ESRRB: variants seen among roughly 807,000 people sequenced by gnomAD.
ESRRB encodes steroid hormone receptor ERR2.
Under a neutral mutation model 46.0 loss-of-function variants are expected in ESRRB, and 16 were observed. That is an observed-to-expected ratio of 0.35 (90% confidence interval 0.24 to 0.53). The LOEUF (loss-of-function observed/expected upper bound fraction) is 0.53, where lower values mean the gene tolerates loss of function less well. Ranked by LOEUF, ESRRB falls within the 20% of genes least tolerant of loss-of-function variation. The probability of loss-of-function intolerance (pLI) is 0.93; values close to 1 mark genes in which losing one functional copy is unlikely to be tolerated. For synonymous variants in ESRRB, 246 were observed against 259.6 expected (o/e 0.95, Z 0.50); for missense variants, 488 against 607.4 (o/e 0.80, Z 2.07).
chr14:76,476,699 C>A (rs1286343970), intron 3 of ESRRB, among the ~76,000 whole-genome samples: 2 of 151,248 alleles, frequency 1.3e-5, no homozygotes, highest in African/African-American at 2.5e-5. Context: ...AGATGCGCAG[C>A]TGCTGTATTG....
At chr14:76,315,663 C>T (rs1447627080) in intron 1 of ESRRB, among the ~76,000 whole-genome samples, 3 of 152,322 alleles carry the variant, frequency 2.0e-5, no homozygotes, top group African/African-American at 7.2e-5. Flanking sequence ...CTTCTGCACA[C>T]ATCATGTCAC....
At chr14:76,310,978 TTCTCTCTCTCTCTCTCTC>T (rs68079657) in intron 1 of ESRRB, 142 of 362,748 alleles carry the variant, frequency 3.9e-4, no homozygotes, top group Non-Finnish European at 5.6e-4. Context: ...TCTGTCCCCT[TTCTCTCTCTCTCTCTCTC>T]TCTCTCTCTC....
At chr14:76,359,608 G>C (rs1406152592) in intron 1 of ESRRB, among the ~76,000 whole-genome samples, 1 of 152,168 alleles carries the variant, frequency 6.6e-6, no homozygotes, top group African/African-American at 2.4e-5. Context: ...CAGAGCCAGT[G>C]CTCTTGCCCA....
Position 76,358,355 on chromosome 14 carries a change from G to T in ESRRB, c.2+47439G>T, listed in dbSNP as rs868512460. Among the ~76,000 whole-genome samples the T allele has an allele frequency of 4.7e-5, 2 of 42,820 alleles. 1 individual carries two copies. The highest frequency in any genetic ancestry group is 9.7e-5 in the Non-Finnish European group (2 of 20,608). The allele number at this position is 42,820 out of a possible 152,430, so 28.1% of individuals were successfully genotyped here. ...AGAAAGAAAGAAAGAAAGAAAGAAA[G>T]AAAGAAAGAAAGAAAGAAAGAAAGA... On this transcript the variant is annotated intron_variant, in intron 1 of 6. Coordinates refer to the ESRRB transcript ENST00000512784.
intron 3 of ESRRB, among the ~76,000 whole-genome samples, chr14:76,469,943 T>TC (rs1889305550): frequency 8.5e-6 from 1 of 117,912 alleles, no homozygotes; most frequent in African/African-American, 3.1e-5. Context: ...TTTTTTTTTT[T>TC]CTTTTTTTTT....
chr14:76,454,086 A>T (rs901922231), intron 2 of ESRRB, among the ~76,000 whole-genome samples: 1 of 152,278 alleles, frequency 6.6e-6, no homozygotes, highest in South Asian at 2.1e-4. Context: ...GAGAGAAGGG[A>T]GATGAAATCT....
chr14:76,442,446 A>C (rs1195848675), intron 2 of ESRRB, among the ~76,000 whole-genome samples: 1 of 152,188 alleles, frequency 6.6e-6, no homozygotes, highest in Non-Finnish European at 1.5e-5. Flanking sequence ...ACTGCATTCC[A>C]GCCTGGGCAA....
intron 1 of ESRRB, among the ~76,000 whole-genome samples, chr14:76,343,011 G>GAA (rs1189497921): frequency 6.6e-6 from 1 of 152,210 alleles, no homozygotes; most frequent in Non-Finnish European, 1.5e-5. Context: ...CAGGGGAGAT[G>GAA]AAGGGATCCA....
intron 1 of ESRRB, among the ~76,000 whole-genome samples, chr14:76,362,031 C>G (rs1884470994): frequency 6.6e-6 from 1 of 152,166 alleles, no homozygotes; most frequent in East Asian, 1.9e-4. Flanking sequence ...GGGGCTGAGT[C>G]TTACCAAATC....
chr14:76,440,515 C>G (rs1887873832), intron 2 of ESRRB, among the ~76,000 whole-genome samples: 1 of 152,058 alleles, frequency 6.6e-6, no homozygotes, highest in Admixed American at 6.6e-5. Flanking sequence ...CTCATCCTGT[C>G]TGGATCCCAG....
Position 76,499,971 on chromosome 14 carries a change from T to A in ESRRB, c.*1513T>A, listed in dbSNP as rs553798143. 1.2e-6 allele frequency: 2 copies of A among 1,600,376 alleles called. No individual in the cohort carries two copies. The highest frequency in any genetic ancestry group is 2.2e-5 in the East Asian group (1 of 44,566). On this transcript the variant is annotated 3_prime_UTR_variant, in exon 7 of 7. Transcript: ENST00000644823. ...CTTCACAAGCAGGGATCAGAGCAAC[T>A]CCCCGGGGATCCCCAATCCACGCCC...
chr14:76,477,664 A>T (rs1005935590), intron 3 of ESRRB, among the ~76,000 whole-genome samples: 1 of 152,240 alleles, frequency 6.6e-6, no homozygotes, highest in African/African-American at 2.4e-5. Context: ...GGCTCAGAAG[A>T]GCAGACAGGA....
chr14:76,463,445 G>GTTTTTTTTTTTTTTTTTTTTTTTTT (rs1313130923), intron 3 of ESRRB: 2 of 114,738 alleles, frequency 1.7e-5, no homozygotes, highest in Non-Finnish European at 1.8e-5. Context: ...ATGCTTCTTT[G>GTTTTTTTTTTTTTTTTTTTTTTTTT]TTTTTTTTTT....
chr14:76,429,849 ATGTGTGTGTG>A (rs58340334), intron 1 of ESRRB, among the ~76,000 whole-genome samples: 4 of 150,186 alleles, frequency 2.7e-5, no homozygotes, highest in Admixed American at 2.7e-4. Flanking sequence ...TTTAAGTTTT[ATGTGTGTGTG>A]TGTGTGTGTG....
chr14:76,481,088 T>C (rs1293527633), intron 3 of ESRRB, among the ~76,000 whole-genome samples: 2 of 152,210 alleles, frequency 1.3e-5, no homozygotes, highest in Non-Finnish European at 1.5e-5. Context: ...CCCAGCACCA[T>C]GCTTGGGGCA....
At chr14:76,380,673 C>T (rs536475072) in intron 1 of ESRRB, among the ~76,000 whole-genome samples, 2 of 152,276 alleles carry the variant, frequency 1.3e-5, no homozygotes, top group Non-Finnish European at 2.9e-5. Flanking sequence ...CCAGAATTAG[C>T]GAGGATGCCG....
intron 2 of ESRRB, among the ~76,000 whole-genome samples, chr14:76,446,020 G>C (rs2139949463): frequency 6.6e-6 from 1 of 152,302 alleles, no homozygotes; most frequent in South Asian, 2.1e-4. Context: ...TATGTGCTTG[G>C]CTGGTAGTAC....
chr14:76,358,784 G>C (rs1239403513), intron 1 of ESRRB, among the ~76,000 whole-genome samples: 2 of 152,172 alleles, frequency 1.3e-5, no homozygotes, highest in Admixed American at 6.5e-5. Flanking sequence ...TTCTGAGATT[G>C]TTTGAAGCTG....
intron 1 of ESRRB, among the ~76,000 whole-genome samples, chr14:76,317,380 G>T (rs1883814914): frequency 6.7e-6 from 1 of 149,638 alleles, no homozygotes; most frequent in African/African-American, 2.5e-5. Context: ...GGCAACAATG[G>T]TAGGATAAGA....
Sources: allele counts gnomAD v4.1 joint callset (sites outside exome capture counted in the v4.1 genomes callset), GRCh38; gene constraint gnomAD v4.1.1; transcripts MANE v1.5; gene names NCBI Gene and HGNC (gene_info 2026-07-23, HGNC 2026-07-21).